The following PDZD2 variants were observed in gnomAD, a reference collection of about 807,000 sequenced individuals.
PDZD2 encodes PDZ domain containing 2, also known as PDZ domain-containing protein 2.
Under a neutral mutation model 220.7 loss-of-function variants are expected in PDZD2, and 90 were observed. The observed-to-expected ratio is 0.41, with a 90% confidence interval of 0.34 to 0.49. PDZD2 has a LOEUF of 0.49. Among genes scored for constraint, PDZD2 ranks in the 20% least tolerant of loss-of-function variants. PDZD2 has a pLI of 0.28. For missense variants in PDZD2, 3,174 were observed against 3,608.5 expected (o/e 0.88, Z 3.08); for synonymous variants, 1,375 against 1,450.5 (o/e 0.95, Z 1.18).
At chr5:31,823,237 C>G (rs1756010893) in intron 2 of PDZD2, 1 of 345,876 alleles carries the variant, frequency 2.9e-6, no homozygotes, top group Non-Finnish European at 5.5e-6. Context: ...GAGGCCAAGG[C>G]AGGTAGATCA....
intron 2 of PDZD2, among the ~76,000 whole-genome samples, chr5:31,892,466 T>A (rs182462104): frequency 6.6e-6 from 1 of 152,162 alleles, no homozygotes; most frequent in Non-Finnish European, 1.5e-5. Flanking sequence ...GGATAACCAG[T>A]TTAAACCAGG....
At chr5:31,937,528 G>A (rs1265390247) in intron 2 of PDZD2, among the ~76,000 whole-genome samples, 3 of 152,184 alleles carry the variant, frequency 2.0e-5, no homozygotes, top group Non-Finnish European at 2.9e-5. Flanking sequence ...TCATGCCGTG[G>A]TGGCCACGTT....
At chr5:31,951,267 T>G (rs1171381927) in intron 2 of PDZD2, among the ~76,000 whole-genome samples, 1 of 152,066 alleles carries the variant, frequency 6.6e-6, no homozygotes, top group African/African-American at 2.4e-5. Flanking sequence ...AGGGTCTCAC[T>G]TTGTTGCCCA....
At chr5:31,881,388 TG>T (rs1739911976) in intron 2 of PDZD2, among the ~76,000 whole-genome samples, 1 of 147,906 alleles carries the variant, frequency 6.8e-6, no homozygotes, top group Non-Finnish European at 1.5e-5. Context: ...TTTTTTTTTT[TG>T]AGATGGAGTT....
At chr5:31,712,319 C>T (rs745644380) in intron 1 of PDZD2, among the ~76,000 whole-genome samples, 1 of 152,116 alleles carries the variant, frequency 6.6e-6, no homozygotes, top group African/African-American at 2.4e-5. Flanking sequence ...CCTCACACGG[C>T]GTTGACTCGG....
intron 2 of PDZD2, among the ~76,000 whole-genome samples, chr5:31,942,532 C>T (rs1185413270): frequency 4.6e-5 from 7 of 152,262 alleles, no homozygotes; most frequent in Non-Finnish European, 7.4e-5. Flanking sequence ...TGCAGTGGTT[C>T]GATCCTAACT....
At chr5:31,839,859 C>A (rs1339446266) in intron 2 of PDZD2, among the ~76,000 whole-genome samples, 1 of 152,194 alleles carries the variant, frequency 6.6e-6, no homozygotes, top group Non-Finnish European at 1.5e-5. Flanking sequence ...AGGGGCTTTT[C>A]CCTCTTTGCT....
intron 2 of PDZD2, among the ~76,000 whole-genome samples, chr5:31,841,456 C>T (rs1275832988): frequency 1.3e-5 from 2 of 152,064 alleles, no homozygotes; most frequent in East Asian, 1.9e-4. Flanking sequence ...GGGCAGATCA[C>T]GAGATCAAGA....
chr5:31,914,436 G>A (rs1743498666), intron 2 of PDZD2, among the ~76,000 whole-genome samples: 1 of 152,166 alleles, frequency 6.6e-6, no homozygotes, highest in South Asian at 2.1e-4. Context: ...GGCTGAGGCA[G>A]AGAATTGCTT....
intron 1 of PDZD2, among the ~76,000 whole-genome samples, chr5:31,655,503 G>A (rs901523501): frequency 6.6e-6 from 1 of 151,874 alleles, no homozygotes; most frequent in Non-Finnish European, 1.5e-5. Flanking sequence ...TTTTACTGAC[G>A]TAATTTGCTT....
intron 1 of PDZD2, among the ~76,000 whole-genome samples, chr5:31,651,846 C>T (rs1468553691): frequency 6.6e-6 from 1 of 151,540 alleles, no homozygotes; most frequent in Non-Finnish European, 1.5e-5. Context: ...GAGATGGTGT[C>T]TTGCTCTGTC....
intron 7 of PDZD2, among the ~76,000 whole-genome samples, chr5:32,043,614 C>A (rs1437699178): frequency 2.6e-5 from 4 of 152,216 alleles, no homozygotes; most frequent in African/African-American, 4.8e-5. Context: ...ACTGTTATTA[C>A]CACTGTCATT....
At chr5:31,679,939 A>G (rs1746587817) in intron 1 of PDZD2, among the ~76,000 whole-genome samples, 1 of 152,242 alleles carries the variant, frequency 6.6e-6, no homozygotes, top group African/African-American at 2.4e-5. Context: ...AACTTACATA[A>G]AAGCACACAG....
At chr5:31,843,585 A>G (rs1414824360) in intron 2 of PDZD2, 2 of 151,936 alleles carry the variant, frequency 1.3e-5, no homozygotes, top group African/African-American at 4.8e-5. Context: ...CTTTTTCTTG[A>G]TATCATCATG....
At chr5:32,039,060 C>T (rs75375828) in intron 7 of PDZD2, among the ~76,000 whole-genome samples, 2,884 of 152,136 alleles carry the variant, frequency 0.019, 86 homozygotes, top group African/African-American at 0.066. Context: ...AGGTTTAAGA[C>T]GGTGAAATAC....
chr5:31,699,421 A>G (rs922741248), intron 1 of PDZD2, among the ~76,000 whole-genome samples: 1 of 151,996 alleles, frequency 6.6e-6, no homozygotes, highest in Non-Finnish European at 1.5e-5. Flanking sequence ...AGAGGCAAAG[A>G]CATGGTCTGG....
chr5:32,002,893 CA>C (rs774292721), intron 5 of PDZD2, among the ~76,000 whole-genome samples: 54 of 3,354 alleles, frequency 0.016, 1 homozygote, highest in South Asian at 0.056. Flanking sequence ...CCACACACAC[CA>C]ACACACACCC....
intron 1 of PDZD2, among the ~76,000 whole-genome samples, chr5:31,794,885 C>T (rs913580620): frequency 6.6e-5 from 10 of 152,106 alleles, no homozygotes; most frequent in Non-Finnish European, 1.0e-4. Context: ...AATAGGAGAA[C>T]GTCTAGAATC....
intron 1 of PDZD2, among the ~76,000 whole-genome samples, chr5:31,708,705 C>T (rs939036146): frequency 4.6e-5 from 7 of 152,128 alleles, no homozygotes; most frequent in Non-Finnish European, 8.8e-5. Context: ...TTGTGCAACA[C>T]GATGGTCTGA....
Sources: allele counts gnomAD v4.1 joint callset (sites outside exome capture counted in the v4.1 genomes callset), GRCh38; gene constraint gnomAD v4.1.1; transcripts MANE v1.5; gene names NCBI Gene and HGNC (gene_info 2026-07-23, HGNC 2026-07-21).